BCAS3: variants seen among roughly 807,000 people sequenced by gnomAD.
BCAS3 encodes the protein BCAS4/BCAS3 fusion.
In BCAS3, 53 loss-of-function variants were observed where a neutral mutation model predicts 116.1. The ratio of observed to expected loss-of-function variants is 0.46; its 90% CI spans 0.37 to 0.57. The LOEUF is 0.57. Among genes scored for constraint, BCAS3 ranks in the 20% least tolerant of loss-of-function variants. The pLI is 0.00. For missense variants in BCAS3, 917 were observed against 1,165.4 expected (o/e 0.79, Z 3.10); for synonymous variants, 391 against 408.2 (o/e 0.96, Z 0.51).
At chr17:61,283,409 G>GA (rs2051416029) in intron 22 of BCAS3, among the ~76,000 whole-genome samples, 1 of 151,744 alleles carries the variant, frequency 6.6e-6, no homozygotes, top group African/African-American at 2.4e-5. Context: ...AAGACCAAGT[G>GA]AATTTAGAGG....
rs1051572890 is a variant in BCAS3 at position 61,013,263 on chromosome 17, T to C, written c.1487-2488T>C. Among the ~76,000 whole-genome samples the C allele has an allele frequency of 6.6e-6, 1 of 152,086 alleles. No individual in the cohort carries two copies. Among genetic ancestry groups the C allele is most frequent in the African/African-American group, 2.4e-5 (1 of 41,440 alleles). Reference sequence around the variant, plus strand: ...TCATGATAACAAGGAAAACAGTCCCTTACAGTGTTATCTTAAGCTAAGGCA... The same window carrying C: ...TCATGATAACAAGGAAAACAGTCCCCTACAGTGTTATCTTAAGCTAAGGCA... On this transcript the variant is annotated intron_variant, in intron 15 of 23. Transcript: ENST00000407086. This position sits in a 1 kb window ranked among gnomAD's most constrained non-coding sequence, Gnocchi z 4.4.
intron 20 of BCAS3, 55 bp from the exon 21 acceptor site, chr17:61,078,278 G>T: frequency 7.1e-7 from 1 of 1,404,900 alleles, no homozygotes; most frequent in Non-Finnish European, 9.8e-7. Context: ...GGATTGTGAA[G>T]TCTCTCAAAT....
rs536441085 is a variant in BCAS3 at position 61,347,005 on chromosome 17, T to C, written c.2426-21322T>C. Among the ~76,000 whole-genome samples, 1 of 152,378 alleles carries C rather than the reference T, an allele frequency of 6.6e-6. No individual in the cohort carries two copies. The highest frequency in any genetic ancestry group is 2.1e-4 in the South Asian group (1 of 4,832). On this transcript the variant is annotated intron_variant, in intron 22 of 23. Transcript: ENST00000407086. This position sits in a 1 kb window ranked among gnomAD's most constrained non-coding sequence, Gnocchi z 4.3. ...ACTGACCTCTCCCTGTGTCCTGTTT[T>C]GCCCCTTGGGGACACAGAAAAATTG...
intron 22 of BCAS3, among the ~76,000 whole-genome samples, chr17:61,094,321 T>G (rs1438512448): frequency 1.3e-5 from 2 of 152,222 alleles, no homozygotes; most frequent in Non-Finnish European, 2.9e-5. Context: ...ATTTGTAAAC[T>G]GAACTAGCAA....
chr17:61,169,158 G>A lies in BCAS3; in HGVS notation c.2425+84594G>A, dbSNP rs142971474. 4.2e-3 allele frequency among the ~76,000 whole-genome samples: 643 copies of A among 152,230 alleles called. 6 individuals carry two copies. The highest frequency in any genetic ancestry group is 0.015 in the African/African-American group (612 of 41,530). The stretch of plus-strand genomic sequence containing the variant: ...CATTAAGAAAGATGTTTTCTCAACA[G>A]TTCTAATACCTATGTCATTCTTATG... On this transcript the variant is annotated intron_variant, in intron 22 of 23. Coordinates refer to ENST00000407086, the MANE Select transcript of BCAS3 (RefSeq NM_017679.5).
At position 61,213,717 on chromosome 17, in the gene BCAS3, T is replaced by C. The variant is rs1272908899; in HGVS notation, c.2425+129153T>C. The stretch of plus-strand genomic sequence containing the variant: ...GAGGAGGACTGTACAGATGGATAGA[T>C]GTACATTTAACTGCAGAGACTGGAT... On this transcript the variant is annotated intron_variant, in intron 22 of 23. Transcript: ENST00000407086. This position sits in a 1 kb window ranked among gnomAD's most constrained non-coding sequence, Gnocchi z 5.4. 6.6e-6 allele frequency among the ~76,000 whole-genome samples: 1 copy of C among 152,158 alleles called. No homozygotes were observed. The highest frequency in any genetic ancestry group is 6.6e-5 in the Admixed American group (1 of 15,262).
intron 14 of BCAS3, among the ~76,000 whole-genome samples, chr17:60,985,432 C>T (rs1194084626): frequency 6.6e-6 from 1 of 152,058 alleles, no homozygotes; most frequent in African/African-American, 2.4e-5. Context: ...TGGGTGTGAG[C>T]TGTCACACCT....
At position 61,256,990 on chromosome 17, in the gene BCAS3, T is replaced by G. The variant is rs538469000; in HGVS notation, c.2426-111337T>G. 3.3e-5 allele frequency among the ~76,000 whole-genome samples: 5 copies of G among 152,310 alleles called. No individual in the cohort carries two copies. The South Asian group carries it at 1.0e-3, about 32-fold the overall frequency. On this transcript the variant is annotated intron_variant, in intron 22 of 23. Coordinates refer to ENST00000407086, the MANE Select transcript of BCAS3 (RefSeq NM_017679.5). The surrounding 1 kb of genome is among the most constrained non-coding windows in gnomAD (Gnocchi z 5.6). Reference sequence around the variant, plus strand: ...AAGATTTTTGGATTTAAAAAAAAATTTACATTATGCTTTTTATTTACACAG... The same window carrying G: ...AAGATTTTTGGATTTAAAAAAAAATGTACATTATGCTTTTTATTTACACAG...
rs972068193 is a variant in BCAS3 at position 61,136,713 on chromosome 17, C to T, written c.2425+52149C>T. On this transcript the variant is annotated intron_variant, in intron 22 of 23. Coordinates refer to ENST00000407086, the MANE Select transcript of BCAS3 (RefSeq NM_017679.5). The surrounding 1 kb of genome is among the most constrained non-coding windows in gnomAD (Gnocchi z 4.4). ...TAGCTGGGATTACAGGTGTGTGCCA[C>T]CACACGCAGCTAATTTTGCATTTTT... 6.6e-6 allele frequency among the ~76,000 whole-genome samples: 1 copy of T among 152,174 alleles called. No individual in the cohort carries two copies. The highest frequency in any genetic ancestry group is 1.5e-5 in the Non-Finnish European group (1 of 68,022).
At position 61,379,717 on chromosome 17, in the gene BCAS3, T is replaced by C. The variant is rs2059511749; in HGVS notation, c.2593+11223T>C. 1 of 152,298 alleles carries C rather than the reference T, an allele frequency of 6.6e-6. No individual in the cohort carries two copies. The highest frequency in any genetic ancestry group is 1.9e-4 in the East Asian group (1 of 5,200). 9.4% of individuals were successfully genotyped at this position (152,298 alleles called of 1,614,324 possible). A position where few individuals can be genotyped will look rare whatever the true frequency, so the allele number is the denominator to read the frequency against. On this transcript the variant is annotated intron_variant, in intron 23 of 23. Coordinates refer to ENST00000407086, the MANE Select transcript of BCAS3 (RefSeq NM_017679.5). The surrounding 1 kb of genome is among the most constrained non-coding windows in gnomAD (Gnocchi z 5.5). ...ACCAGGCTTCGCAGCCCTCCCCTGT[T>C]ACCCACATATGTTTTATGGGGTGTA... is the stretch of plus-strand genomic sequence containing the variant.
intron 22 of BCAS3, among the ~76,000 whole-genome samples, chr17:61,197,193 A>C (rs1306582545): frequency 1.3e-5 from 2 of 152,200 alleles, no homozygotes; most frequent in Non-Finnish European, 2.9e-5. Flanking sequence ...CTCTTCCAAG[A>C]GTGACATAGT....
chr17:61,298,815 TTTATTTA>T (rs141793665), intron 22 of BCAS3, among the ~76,000 whole-genome samples: 5,407 of 143,244 alleles, frequency 0.038, 151 homozygotes, highest in African/African-American at 0.083. Flanking sequence ...TATTTATTTA[TTTATTTA>T]TTATTATTAT....
At chr17:61,168,086 A>G (rs916401654) in intron 22 of BCAS3, among the ~76,000 whole-genome samples, 12 of 152,198 alleles carry the variant, frequency 7.9e-5, no homozygotes, top group East Asian at 3.9e-4. Context: ...AACAAAGGAA[A>G]TTTATGCCCA....
Position 60,771,623 on chromosome 17 carries a change from A to G in BCAS3, c.403+24344A>G, listed in dbSNP as rs568551086. On this transcript the variant is annotated intron_variant, in intron 6 of 23. Coordinates refer to ENST00000407086, the MANE Select transcript of BCAS3 (RefSeq NM_017679.5). ...ACGTGCAGGTTTGTTACATATGTAT[A>G]CATGTGCCATGTTGGTGTGCTGCAC... 5.3e-4 allele frequency among the ~76,000 whole-genome samples: 80 copies of G among 152,114 alleles called. 2 individuals are homozygous for G. In the South Asian group the frequency reaches 0.016, roughly 30 times the overall value.
intron 10 of BCAS3, among the ~76,000 whole-genome samples, chr17:60,892,682 A>T (rs1316334553): frequency 1.3e-5 from 2 of 151,410 alleles, no homozygotes; most frequent in African/African-American, 4.8e-5. Context: ...GCACTTTGAG[A>T]GGCCGAGGTG....
At chr17:60,888,868 A>G (rs1370329000) in intron 9 of BCAS3, among the ~76,000 whole-genome samples, 2 of 152,184 alleles carry the variant, frequency 1.3e-5, no homozygotes, top group African/African-American at 4.8e-5. Flanking sequence ...TTCAAAATAG[A>G]TGGCAGTTTA....
Position 61,015,846 on chromosome 17 carries a change from C to G in BCAS3, c.1582C>G (p.Pro528Ala). 1 of 1,614,082 alleles carries G rather than the reference C, an allele frequency of 6.2e-7. No individual in the cohort carries two copies. The highest frequency in any genetic ancestry group is 1.3e-5 in the African/African-American group (1 of 75,036). ...SPLPSLMVVMPLAQIKQPMTL... is the reference protein window; with the variant it reads ...SPLPSLMVVMALAQIKQPMTL... ...TCTTCCCAGCTTGATGGTAGTGATG[C>G]CTCTTGCACAAATCAAGCAGCCAAT... The change falls in exon 16 of 24, where the codon CCT becomes GCT. Residue 528 changes from proline to alanine, a missense_variant. Transcript: ENST00000407086.
chr17:61,243,849 G>A lies in BCAS3; in HGVS notation c.2426-124478G>A, dbSNP rs942759529. Reference sequence around the variant, plus strand: ...CAACCAGGCTGGAGTGCGCTGGTATGACCATAGGTCTCTGCAGCCTCAAAC... The same window carrying A: ...CAACCAGGCTGGAGTGCGCTGGTATAACCATAGGTCTCTGCAGCCTCAAAC... On this transcript the variant is annotated intron_variant, in intron 22 of 23. Transcript: ENST00000407086. The surrounding 1 kb of genome is among the most constrained non-coding windows in gnomAD (Gnocchi z 5.6). Among the ~76,000 whole-genome samples the A allele has an allele frequency of 3.9e-5, 6 of 152,182 alleles. No homozygotes were observed. The highest frequency in any genetic ancestry group is 8.8e-5 in the Non-Finnish European group (6 of 68,022).
At position 61,346,103 on chromosome 17, in the gene BCAS3, C is replaced by T. The variant is rs937440396; in HGVS notation, c.2426-22224C>T. Among the ~76,000 whole-genome samples the T allele has an allele frequency of 6.6e-6, 1 of 152,114 alleles. No homozygotes were observed. Among genetic ancestry groups the T allele is most frequent in the South Asian group, 2.1e-4 (1 of 4,812 alleles). Reference sequence around the variant, plus strand: ...GCAGGAGTGGTTGAGAAGGTAACAGCGGGGTAGGTGCCATAATCCTTGTTG... The same window carrying T: ...GCAGGAGTGGTTGAGAAGGTAACAGTGGGGTAGGTGCCATAATCCTTGTTG... On this transcript the variant is annotated intron_variant, in intron 22 of 23. Transcript: ENST00000407086. This position sits in a 1 kb window ranked among gnomAD's most constrained non-coding sequence, Gnocchi z 5.4.
Sources: allele counts gnomAD v4.1 joint callset (sites outside exome capture counted in the v4.1 genomes callset), GRCh38; gene constraint gnomAD v4.1.1; non-coding constraint Gnocchi (gnomAD v3.1); transcripts MANE v1.5; gene names NCBI Gene and HGNC (gene_info 2026-07-23, HGNC 2026-07-21).